CNTNAP3: variants seen among roughly 807,000 people sequenced by gnomAD.
CNTNAP3 encodes contactin associated protein family member 3.
In CNTNAP3, 36 loss-of-function variants were observed where a neutral mutation model predicts 92.1. That is an observed-to-expected ratio of 0.39 (90% CI 0.30 to 0.52). The LOEUF (loss-of-function observed/expected upper bound fraction) is 0.52. CNTNAP3 is among the 20% of genes least tolerant of loss of function. CNTNAP3 has a pLI of 0.76. For missense variants in CNTNAP3, 534 were observed against 1,069.6 expected (o/e 0.50, Z 6.98); for synonymous variants, 232 against 422.3 (o/e 0.55, Z 5.53).
At chr9:39,150,412 T>C (rs1271592153) in intron 9 of CNTNAP3, among the ~76,000 whole-genome samples, 2 of 96,318 alleles carry the variant, frequency 2.1e-5, no homozygotes, top group Admixed American at 2.5e-4. Context: ...TACCTGAAAA[T>C]ATAATTGTGT....
At chr9:39,087,510 G>A (rs1826088360) in intron 19 of CNTNAP3, among the ~76,000 whole-genome samples, 1 of 151,320 alleles carries the variant, frequency 6.6e-6, no homozygotes, top group African/African-American at 2.4e-5. Context: ...TGTTTGAGGT[G>A]GAGTCTCGCT....
intron 12 of CNTNAP3, among the ~76,000 whole-genome samples, chr9:39,139,195 T>C (rs533384937): frequency 1.3e-5 from 2 of 152,278 alleles, no homozygotes; most frequent in Admixed American, 6.5e-5. Flanking sequence ...ATTTTGTCAG[T>C]AGATACTTCC....
At chr9:39,081,772 CA>C (rs1825942674) in intron 21 of CNTNAP3, among the ~76,000 whole-genome samples, 1 of 151,802 alleles carries the variant, frequency 6.6e-6, no homozygotes, top group South Asian at 2.1e-4. Context: ...ACACTAGCCA[CA>C]TGTGACCATT....
At chr9:39,097,880 T>C (rs1826361904) in intron 18 of CNTNAP3, among the ~76,000 whole-genome samples, 2 of 150,842 alleles carry the variant, frequency 1.3e-5, no homozygotes, top group South Asian at 2.1e-4. Context: ...AGTTGTTTTT[T>C]AAAATAATAA....
intron 23 of CNTNAP3, among the ~76,000 whole-genome samples, chr9:39,077,297 G>A (rs1164823270): frequency 2.6e-5 from 4 of 151,940 alleles, no homozygotes; most frequent in African/African-American, 9.7e-5. Flanking sequence ...AAATAATCAC[G>A]CCTGTAATCC....
intron 13 of CNTNAP3, among the ~76,000 whole-genome samples, chr9:39,121,765 G>GA (rs145608934): frequency 0.15 from 22,789 of 151,744 alleles, 2,159 homozygotes; most frequent in East Asian, 0.2. Context: ...ATAAAGATAG[G>GA]AAAAAAAATG....
intron 13 of CNTNAP3, among the ~76,000 whole-genome samples, chr9:39,123,370 A>C (rs1821082076): frequency 6.6e-6 from 1 of 152,156 alleles, no homozygotes; most frequent in Non-Finnish European, 1.5e-5. Flanking sequence ...CTGGGATTAC[A>C]GGCAAGTGAG....
At position 39,071,282 on chromosome 9, in the gene CNTNAP3, T is replaced by C. The variant is rs1489295775; in HGVS notation, c.*2608A>G. Among the ~76,000 whole-genome samples the C allele has an allele frequency of 6.7e-6, 1 of 150,028 alleles. No individual in the cohort carries two copies. The highest frequency in any genetic ancestry group is 1.5e-5 in the Non-Finnish European group (1 of 67,778). On this transcript the variant is annotated 3_prime_UTR_variant, in exon 24 of 24. Coordinates refer to ENST00000297668, the MANE Select transcript of CNTNAP3 (RefSeq NM_033655.5). The stretch of plus-strand genomic sequence containing the variant: ...TGTCACGTATCAGTAGTAACTACTA[T>C]CAAAGTATGTTAAGTTTATGCCGTA...
intron 10 of CNTNAP3, 71 bp downstream of exon 10, chr9:39,149,735 T>C (rs1821795637): frequency 1.2e-6 from 1 of 844,168 alleles, no homozygotes; most frequent in Non-Finnish European, 1.8e-6. Flanking sequence ...AATGCCTTTT[T>C]CCAGCTGTCT....
At chr9:39,119,239 T>C (rs143403568) in intron 13 of CNTNAP3, among the ~76,000 whole-genome samples, 1 of 151,970 alleles carries the variant, frequency 6.6e-6, no homozygotes, top group Non-Finnish European at 1.5e-5. Context: ...GAATATGAAT[T>C]GAGATCTGGA....
intron 14 of CNTNAP3, among the ~76,000 whole-genome samples, chr9:39,115,199 T>G (rs1015870492): frequency 3.0e-4 from 46 of 151,168 alleles, no homozygotes; most frequent in African/African-American, 1.1e-3. Context: ...CCTGCCCCAT[T>G]AACGGACATA....
chr9:39,084,268 C>T (rs1049938389), intron 21 of CNTNAP3, among the ~76,000 whole-genome samples: 1 of 149,384 alleles, frequency 6.7e-6, no homozygotes, highest in African/African-American at 2.5e-5. Flanking sequence ...TCTCTGCTCA[C>T]TGCAAGCTCC....
At chr9:39,124,519 A>C (rs1009480751) in intron 13 of CNTNAP3, among the ~76,000 whole-genome samples, 5 of 152,206 alleles carry the variant, frequency 3.3e-5, no homozygotes, top group South Asian at 2.1e-4. Flanking sequence ...ATGGGATCTA[A>C]TTAAACTAAA....
chr9:39,078,631 A>G, intron 22 of CNTNAP3, 59 bp downstream of exon 22: 3 of 1,549,262 alleles, frequency 1.9e-6, no homozygotes, highest in Non-Finnish European at 2.6e-6. Flanking sequence ...CTTTTGAGAA[A>G]TTCACAAACA....
intron 9 of CNTNAP3, chr9:39,159,661 TAG>T (rs1822042005): frequency 1.4e-5 from 2 of 141,106 alleles, no homozygotes; most frequent in African/African-American, 5.8e-5. Flanking sequence ...GATAGATAGA[TAG>T]ATAGATAGAT....
At chr9:39,126,833 C>T (rs1821162609) in intron 13 of CNTNAP3, among the ~76,000 whole-genome samples, 1 of 151,522 alleles carries the variant, frequency 6.6e-6, no homozygotes, top group Non-Finnish European at 1.5e-5. Flanking sequence ...TCTCTCTTAG[C>T]AACTGACAGA....
rs766391029 is a variant in CNTNAP3 at position 39,071,626 on chromosome 9, C to T, written c.*2264G>A. The stretch of plus-strand genomic sequence containing the variant: ...AACTAGCATCTATGTATCTAAATAA[C>T]GTTTAGTGACTTAATTCTCTGCAAC... On this transcript the variant is annotated 3_prime_UTR_variant, in exon 24 of 24. Coordinates refer to ENST00000297668, the MANE Select transcript of CNTNAP3 (RefSeq NM_033655.5). 7.2e-5 allele frequency among the ~76,000 whole-genome samples: 11 copies of T among 151,866 alleles called. No homozygotes were observed. Among genetic ancestry groups the T allele is most frequent in the South Asian group, 2.1e-4 (1 of 4,822 alleles).
In CNTNAP3 at chr9:39,104,661, T is replaced by C. The variant is rs138341069; in HGVS notation, c.2366-747A>G. Reference sequence around the variant, plus strand: ...TAGTGTCCTTCATTCTGGTACAGTGTGTGAGTCTTTTCTTATCTTTTGTGT... The same window carrying C: ...TAGTGTCCTTCATTCTGGTACAGTGCGTGAGTCTTTTCTTATCTTTTGTGT... On this transcript the variant is annotated intron_variant, in intron 15 of 23. Coordinates refer to ENST00000297668, the MANE Select transcript of CNTNAP3 (RefSeq NM_033655.5). Among the ~76,000 whole-genome samples the C allele has an allele frequency of 6.9e-4, 105 of 152,282 alleles. No individual in the cohort carries two copies. The East Asian group carries it at 0.019, about 28-fold the overall frequency.
intron 18 of CNTNAP3, among the ~76,000 whole-genome samples, chr9:39,094,231 G>A (rs1033607657): frequency 6.6e-6 from 1 of 151,280 alleles, no homozygotes; most frequent in African/African-American, 2.4e-5. Flanking sequence ...GTTAAGTTGT[G>A]GAAGTTATTA....
Sources: gnomAD v4.1 joint callset for allele counts (sites outside exome capture counted in the v4.1 genomes callset) on GRCh38, gnomAD v4.1.1 for gene constraint, MANE v1.5 for transcripts, NCBI Gene and HGNC (gene_info 2026-07-23, HGNC 2026-07-21) for gene names.